RASSF6: variants seen among roughly 807,000 people sequenced by gnomAD.
The protein encoded by RASSF6 is Ras association domain family member 6, also known as ras association domain-containing protein 6.
A neutral mutation model predicts 44.0 loss-of-function variants in RASSF6; 52 were observed. The ratio of observed to expected loss-of-function variants is 1.18; its 90% CI spans 0.95 to 1.49. The LOEUF (loss-of-function observed/expected upper bound fraction) is 1.49, where lower values mean the gene tolerates loss of function less well. RASSF6 is among the 40% of genes most tolerant of loss of function. RASSF6 has a pLI of 0.00. For synonymous variants in RASSF6, 162 were observed against 124.6 expected (o/e 1.30, Z -2.00); for missense variants, 464 against 393.3 (o/e 1.18, Z -1.52).
chr4:73,612,778 A>T (rs889619844), intron 1 of RASSF6, among the ~76,000 whole-genome samples: 2 of 152,054 alleles, frequency 1.3e-5, no homozygotes, highest in Admixed American at 1.3e-4. Flanking sequence ...CATTCCGATC[A>T]TCCCATCACC....
intron 3 of RASSF6, among the ~76,000 whole-genome samples, chr4:73,594,188 T>C (rs184678004): frequency 4.1e-4 from 63 of 152,312 alleles, no homozygotes; most frequent in African/African-American, 1.4e-3. Context: ...TTAACATAAA[T>C]TTTGTGGAAA....
chr4:73,617,074 G>A (rs1402325516), intron 1 of RASSF6, among the ~76,000 whole-genome samples: 1 of 152,196 alleles, frequency 6.6e-6, no homozygotes, highest in African/African-American at 2.4e-5. Flanking sequence ...TAAAGGTCAA[G>A]AGTTGGCATA....
intron 1 of RASSF6, among the ~76,000 whole-genome samples, chr4:73,618,985 T>G (rs1445073658): frequency 6.6e-6 from 1 of 152,146 alleles, no homozygotes; most frequent in Non-Finnish European, 1.5e-5. Context: ...GCTTAAGAGG[T>G]AGAGACTGAC....
rs1366019565 is a variant in RASSF6, at chr4:73,585,252, C to A, written c.495G>T (p.Lys165Asn). 6.2e-7 allele frequency: 1 copy of A among 1,612,804 alleles called. No individual in the cohort carries two copies. The highest frequency in any genetic ancestry group is 8.5e-7 in the Non-Finnish European group (1 of 1,179,198). ...SEAALVRKRM[K>N]PLMMDRKERQ... ...TTTCTTTTCTGTCCATCATCAGAGG[C>A]TTCATCCTTTTTCTCACCAGAGCTG... Residue 165 changes from lysine to asparagine, a missense_variant, in exon 6 of 11, where the codon AAG becomes AAT. Lys to Asn is a moderately conservative substitution (Grantham distance 94). Transcript: ENST00000307439.
intron 6 of RASSF6, 130 bp downstream of exon 6, chr4:73,585,050 G>A: frequency 1.7e-6 from 1 of 574,486 alleles, no homozygotes; most frequent in Non-Finnish European, 3.0e-6. Flanking sequence ...CACATAGAGA[G>A]TGCCCCCAAG....
chr4:73,583,004 T>A (rs569679823), intron 6 of RASSF6, among the ~76,000 whole-genome samples: 1 of 152,206 alleles, frequency 6.6e-6, no homozygotes, highest in East Asian at 1.9e-4. Flanking sequence ...TCTGTGACAT[T>A]TACGATTTCT....
At chr4:73,579,705 T>C (rs1177840396) in intron 8 of RASSF6, among the ~76,000 whole-genome samples, 1 of 151,978 alleles carries the variant, frequency 6.6e-6, no homozygotes, top group Non-Finnish European at 1.5e-5. Flanking sequence ...ACATTGACAA[T>C]ATTCTTTGTA....
rs1396460939 is a variant in RASSF6, at chr4:73,581,765, G to C, written c.721+52C>G. The C allele has an allele frequency of 9.6e-6, 12 of 1,252,366 alleles. No individual in the cohort carries two copies. In the Admixed American group the frequency reaches 2.1e-4, roughly 22 times the overall value. 77.6% of individuals were successfully genotyped at this position (1,252,366 alleles called of 1,614,324 possible). On this transcript the variant is annotated intron_variant, in intron 8 of 10. Coordinates refer to ENST00000307439, the MANE Select transcript of RASSF6 (RefSeq NM_177532.5). ...TGTTCTTCTGCCTTCCCCCTGGGCA[G>C]CAAACTGTAGCACTCTAGAGTCAGG...
In RASSF6 at chr4:73,576,153, T is replaced by C. The variant is rs1723193344; in HGVS notation, c.*82A>G. 1 of 718,816 alleles carries C rather than the reference T, an allele frequency of 1.4e-6. No individual in the cohort carries two copies. Among genetic ancestry groups the C allele is most frequent in the Non-Finnish European group, 2.3e-6 (1 of 432,948 alleles). 44.5% of individuals were successfully genotyped at this position (718,816 alleles called of 1,614,324 possible). A position where few individuals can be genotyped will look rare whatever the true frequency, so the allele number is the denominator to read the frequency against. On this transcript the variant is annotated 3_prime_UTR_variant, in exon 11 of 11. Coordinates refer to ENST00000307439, the MANE Select transcript of RASSF6 (RefSeq NM_177532.5). Reference sequence around the variant, plus strand: ...CAAGTCTCATATATGTTCGTATAAATGCAAGTACAGAACTTATGCATTCAT... The same window carrying C: ...CAAGTCTCATATATGTTCGTATAAACGCAAGTACAGAACTTATGCATTCAT...
chr4:73,579,531 G>A (rs947142185), intron 8 of RASSF6, among the ~76,000 whole-genome samples: 20 of 152,048 alleles, frequency 1.3e-4, no homozygotes, highest in African/African-American at 4.6e-4. Context: ...TTAGCTACTT[G>A]CATTTCACTG....
chr4:73,597,787 A>G (rs758488143), intron 3 of RASSF6, among the ~76,000 whole-genome samples: 3 of 152,246 alleles, frequency 2.0e-5, no homozygotes, highest in Non-Finnish European at 4.4e-5. Context: ...AATACTATGC[A>G]GCCATAAAAA....
intron 2 of RASSF6, among the ~76,000 whole-genome samples, chr4:73,607,162 A>G (rs575952404): frequency 6.6e-6 from 1 of 152,374 alleles, no homozygotes; most frequent in Non-Finnish European, 1.5e-5. Flanking sequence ...AGTATGTAGA[A>G]TGTATCTAAT....
Position 73,585,309 on chromosome 4 carries a change from G to A in RASSF6, c.438C>T (p.Asp146=). 1 of 1,609,418 alleles carries A rather than the reference G, an allele frequency of 6.2e-7. No homozygotes were observed. Among genetic ancestry groups the A allele is most frequent in the Non-Finnish European group, 8.5e-7 (1 of 1,177,666 alleles). ...TLKPHAKDEP[D]SPVLYRTMSE... is the part of the protein sequence containing the mutation. ...TCATGGTTCTATAGAGCACTGGGGA[G>A]TCTGGTTCATCCTTTGCATGTGGCT... Residue 146 remains aspartate, a synonymous_variant, in exon 6 of 11, where the codon GAC becomes GAT. Transcript: ENST00000307439.
chr4:73,598,648 A>G lies in RASSF6; in HGVS notation c.136T>C (p.Tyr46His), dbSNP rs1725089714. Reference sequence around the variant, plus strand: ...TTCTTCAGTGGGCTTACCTCTCCATATAAAATATGCAGATTTTTCTGGTTC... The same window carrying G: ...TTCTTCAGTGGGCTTACCTCTCCATGTAAAATATGCAGATTTTTCTGGTTC... ...YENQKNLHIL[Y>H]GETEDGKLIV... Residue 46 changes from tyrosine to histidine, a missense_variant, in exon 3 of 11, where the codon TAT becomes CAT. Transcript: ENST00000307439. The G allele has an allele frequency of 6.5e-7, 1 of 1,527,212 alleles. No individual in the cohort carries two copies. Among genetic ancestry groups the G allele is most frequent in the Non-Finnish European group, 9.0e-7 (1 of 1,115,194 alleles). 94.6% of individuals were successfully genotyped at this position (1,527,212 alleles called of 1,614,324 possible). A position where few individuals can be genotyped will look rare whatever the true frequency, so the allele number is the denominator to read the frequency against.
At position 73,581,973 on chromosome 4, in the gene RASSF6, C is replaced by T. The variant is rs1280407714; in HGVS notation, c.670-105G>A. On this transcript the variant is annotated intron_variant, in intron 7 of 10. Coordinates refer to ENST00000307439, the MANE Select transcript of RASSF6 (RefSeq NM_177532.5). Reference sequence around the variant, plus strand: ...TCTGTTTTCTCTCTTCCATTTTTCACTTTTAGACATAAAATCTTCTCTGCT... The same window carrying T: ...TCTGTTTTCTCTCTTCCATTTTTCATTTTTAGACATAAAATCTTCTCTGCT... 9 of 867,384 alleles carry T rather than the reference C, an allele frequency of 1.0e-5. No individual in the cohort carries two copies. The Admixed American group carries it at 2.0e-4, about 19-fold the overall frequency. The allele number at this position is 867,384 out of a possible 1,614,324, so 53.7% of individuals were successfully genotyped here. A position where few individuals can be genotyped will look rare whatever the true frequency, so the allele number is the denominator to read the frequency against.
chr4:73,608,385 T>C (rs901596893), intron 2 of RASSF6, among the ~76,000 whole-genome samples: 2 of 152,112 alleles, frequency 1.3e-5, no homozygotes, highest in African/African-American at 4.8e-5. Flanking sequence ...CTGTTGACAA[T>C]ATATGCTTAT....
At chr4:73,589,087 C>T (rs1390350569) in intron 4 of RASSF6, among the ~76,000 whole-genome samples, 2 of 152,062 alleles carry the variant, frequency 1.3e-5, no homozygotes, top group East Asian at 3.9e-4. Flanking sequence ...CTTTTGAATT[C>T]TTTTGAAGCG....
intron 6 of RASSF6, among the ~76,000 whole-genome samples, chr4:73,582,842 ACG>A (rs1013185713): frequency 3.3e-5 from 5 of 151,864 alleles, no homozygotes; most frequent in Admixed American, 6.6e-5. Context: ...CACATGTAAC[ACG>A]CACACACACA....
intron 3 of RASSF6, among the ~76,000 whole-genome samples, chr4:73,595,590 T>C (rs1247648): frequency 0.99 from 150,663 of 152,330 alleles, 74,524 homozygotes; most frequent in Middle Eastern, 1. Context: ...AAAACTCAAA[T>C]ATTTACCTAA....
Sources: gnomAD v4.1 joint callset for allele counts (sites outside exome capture counted in the v4.1 genomes callset) on GRCh38, gnomAD v4.1.1 for gene constraint, MANE v1.5 for transcripts, NCBI Gene and HGNC (gene_info 2026-07-23, HGNC 2026-07-21) for gene names.